Variants in GGT1 observed in about 807,000 individuals in gnomAD.
GGT1 encodes gamma-glutamyltransferase 1.
Under a neutral mutation model 56.0 loss-of-function variants are expected in GGT1, and 21 were observed. The ratio of observed to expected loss-of-function variants is 0.38; its 90% CI spans 0.27 to 0.54. The LOEUF (loss-of-function observed/expected upper bound fraction) is 0.54. Among genes scored for constraint, GGT1 ranks in the 20% least tolerant of loss-of-function variants. The pLI is 0.82. For synonymous variants in GGT1, 238 were observed against 342.6 expected (o/e 0.69, Z 3.37); for missense variants, 466 against 787.0 (o/e 0.59, Z 4.88).
At position 24,627,581 on chromosome 22, in the gene GGT1, C is replaced by G. The variant is rs1419869519; in HGVS notation, c.1170C>G (p.Asp390Glu). Reference protein sequence around the residue: ...GTAHLSVVAEDGSAVSATSTI... With the variant: ...GTAHLSVVAEEGSAVSATSTI... ...CTCACCTGTCTGTCGTCGCAGAGGA[C>G]GGCAGTGCTGTGTCCGCCACCAGCA... is the stretch of plus-strand genomic sequence containing the variant. The change falls in exon 12 of 16, where the codon GAC becomes GAG. Residue 390 changes from aspartate (D) to glutamate (E), a missense_variant. Asp to Glu is a conservative substitution (Grantham distance 45). Transcript: ENST00000400382. The G allele has an allele frequency of 1.2e-6, 2 of 1,610,458 alleles. No homozygotes were observed. Among genetic ancestry groups the G allele is most frequent in the Non-Finnish European group, 1.7e-6 (2 of 1,179,282 alleles).
At chr22:24,615,779 C>G (rs1346138831) in intron 7 of GGT1, 5 of 153,240 alleles carry the variant, frequency 3.3e-5, no homozygotes, top group African/African-American at 1.2e-4. Context: ...AAGCCACTGT[C>G]TGTCCTCAAA....
At chr22:24,613,638 T>C (rs2046856660) in intron 5 of GGT1, among the ~76,000 whole-genome samples, 1 of 151,462 alleles carries the variant, frequency 6.6e-6, no homozygotes, top group Non-Finnish European at 1.5e-5. Context: ...TAATCCCAGC[T>C]ACTCAGGAGG....
the GGT1 span, chr22:24,588,812 G>A: frequency 9.9e-7 from 1 of 1,013,668 alleles, no homozygotes; most frequent in African/African-American, 1.7e-5. Context: ...CGCCTGCGGG[G>A]TCTGGGTCTG....
chr22:24,591,493 G>A (rs1229067830), upstream of GGT1, among the ~76,000 whole-genome samples: 1 of 152,162 alleles, frequency 6.6e-6, no homozygotes, highest in South Asian at 2.1e-4. Flanking sequence ...TCTGTGCGTG[G>A]GTCCCAAGCA....
upstream of GGT1, chr22:24,592,598 GGACACACTCA>G (rs2045604041): frequency 2.0e-6 from 1 of 508,898 alleles, no homozygotes; most frequent in African/African-American, 2.0e-5. Flanking sequence ...CCAAAGACCC[GGACACACTCA>G]GCAGCCCCCT....
At position 24,626,615 on chromosome 22, in the gene GGT1, C is replaced by G. The variant is rs527374693; in HGVS notation, c.1021-817C>G. Among the ~76,000 whole-genome samples, 92 of 151,828 alleles carry G rather than the reference C, an allele frequency of 6.1e-4. No homozygotes were observed. The South Asian group carries it at 0.019, about 31-fold the overall frequency. On this transcript the variant is annotated intron_variant, in intron 11 of 15. Coordinates refer to ENST00000400382, the MANE Select transcript of GGT1 (RefSeq NM_001288833.2). ...CTGCAGGGTTTACCTCGCTAGTCGG[C>G]GCCATCCTTGATTCTTCTCTTTCTC...
At chr22:24,587,288 G>A in the GGT1 span, among the ~76,000 whole-genome samples, 11 of 152,182 alleles carry the variant, frequency 7.2e-5, no homozygotes, top group Non-Finnish European at 1.0e-4. Context: ...CCATGAGGGA[G>A]GGCTCCCCGT....
intron 5 of GGT1, among the ~76,000 whole-genome samples, chr22:24,611,832 A>G (rs1326860168): frequency 1.4e-5 from 2 of 145,286 alleles, no homozygotes; most frequent in Non-Finnish European, 3.0e-5. Context: ...TCCAAGACAG[A>G]GTATCGCTCT....
chr22:24,614,712 G>A (rs916680862), intron 5 of GGT1, 64 bp from the exon 6 acceptor site: 6 of 1,475,898 alleles, frequency 4.1e-6, no homozygotes, highest in South Asian at 2.3e-5. Context: ...TGGGCAGCAG[G>A]GTGTGTATGC....
the GGT1 span, chr22:24,586,370 G>T: frequency 1.2e-6 from 2 of 1,613,786 alleles, no homozygotes; most frequent in African/African-American, 2.7e-5. Flanking sequence ...GAGGTCCACA[G>T]TCTCCCCTGC....
rs772914413 is a variant in GGT1, at chr22:24,596,828, G to A, written c.-324+1942G>A. Among the ~76,000 whole-genome samples, 47 of 145,472 alleles carry A rather than the reference G, an allele frequency of 3.2e-4. 1 individual carries two copies. The highest frequency in any genetic ancestry group is 6.0e-4 in the Non-Finnish European group (40 of 67,034). ...CTTGGGAGGCTGAGACAGGGGAATC[G>A]CTTGAACCCGGGACGCAGAAGTTGC... On this transcript the variant is annotated intron_variant, in intron 1 of 6. Transcript: ENST00000411974.
the GGT1 span, chr22:24,585,887 C>T: frequency 6.3e-7 from 1 of 1,578,192 alleles, no homozygotes. Context: ...GGTGGTGGGT[C>T]ACCTGGCACA....
At chr22:24,613,013 G>A (rs199824810) in intron 5 of GGT1, among the ~76,000 whole-genome samples, 1 of 152,076 alleles carries the variant, frequency 6.6e-6, no homozygotes, top group African/African-American at 2.4e-5. Flanking sequence ...TTCTATTTTA[G>A]ACTCTTATCT....
At chr22:24,588,789 C>A in the GGT1 span, 2 of 1,021,182 alleles carry the variant, frequency 2.0e-6, no homozygotes, top group Non-Finnish European at 2.4e-6. Flanking sequence ...CTCTCACTCT[C>A]CAAGCGAGAC....
chr22:24,605,432 A>G lies in GGT1; in HGVS notation c.-429+1905A>G, dbSNP rs1334505042. Among the ~76,000 whole-genome samples the G allele has an allele frequency of 2.4e-5, 2 of 82,856 alleles. 1 individual carries two copies. Among genetic ancestry groups the G allele is most frequent in the African/African-American group, 1.1e-4 (2 of 18,440 alleles). 54.4% of individuals were successfully genotyped at this position (82,856 alleles called of 152,430 possible). ...TATTATATAATATGTATTATATATT[A>G]TATAACAATATATAATGTGTATTAT... On this transcript the variant is annotated intron_variant, in intron 1 of 15. Coordinates refer to ENST00000400382, the MANE Select transcript of GGT1 (RefSeq NM_001288833.2).
upstream of GGT1, among the ~76,000 whole-genome samples, chr22:24,590,590 G>A (rs2045540147): frequency 6.6e-6 from 1 of 152,104 alleles, no homozygotes; most frequent in South Asian, 2.1e-4. Context: ...CTTATGGTGG[G>A]GGGGTTTGCT....
At chr22:24,624,543 G>A (rs559726303) in intron 11 of GGT1, 12 of 973,750 alleles carry the variant, frequency 1.2e-5, no homozygotes, top group Admixed American at 1.2e-4. Flanking sequence ...CTCTTTCCCC[G>A]TGAGCATTCT....
At chr22:24,616,270 C>T (rs1440582795) in intron 7 of GGT1, among the ~76,000 whole-genome samples, 4 of 151,630 alleles carry the variant, frequency 2.6e-5, no homozygotes, top group African/African-American at 7.3e-5. Context: ...AATAATTAGT[C>T]AGGCGTGGTG....
intron 1 of GGT1, chr22:24,607,709 G>C (rs2076800): frequency 3.9e-6 from 1 of 255,558 alleles, no homozygotes. Flanking sequence ...TGCTGGGCAC[G>C]CCCTGGCTGG....
Sources: gnomAD v4.1 joint callset for allele counts (sites outside exome capture counted in the v4.1 genomes callset) on GRCh38, gnomAD v4.1.1 for gene constraint, MANE v1.5 for transcripts, NCBI Gene and HGNC (gene_info 2026-07-23, HGNC 2026-07-21) for gene names.